Variants in TFEC observed in about 807,000 individuals in gnomAD.
TFEC encodes the protein transcription factor EC.
TFEC carries 31 observed loss-of-function variants against 41.6 expected under a neutral mutation model. The observed-to-expected ratio is 0.74, with a 90% CI of 0.56 to 1.01. TFEC has a LOEUF of 1.01. TFEC is among the 50% of genes least tolerant of loss of function. The probability of loss-of-function intolerance (pLI) is 0.00; values close to 1 mark genes in which losing one functional copy is unlikely to be tolerated. For synonymous variants in TFEC, 143 were observed against 140.6 expected, an observed-to-expected ratio of 1.02 and a Z score of -0.12; for missense variants, 402 against 404.1, an observed-to-expected ratio of 0.99 and a Z score of 0.04.
At chr7:116,089,347 T>C (rs1202253818) in intron 3 of TFEC, among the ~76,000 whole-genome samples, 1 of 152,130 alleles carries the variant, frequency 6.6e-6, no homozygotes, top group Non-Finnish European at 1.5e-5. Context: ...GAAAGATTTT[T>C]AGTGGAAGAA....
At chr7:116,155,771 T>G (rs1177742281) in intron 1 of TFEC, among the ~76,000 whole-genome samples, 1 of 152,186 alleles carries the variant, frequency 6.6e-6, no homozygotes, top group Admixed American at 6.5e-5. Flanking sequence ...TTCTTTTTTA[T>G]AACATTCTTT....
In TFEC at chr7:115,938,856, T is replaced by G. The variant is rs1793353493; in HGVS notation, c.*1695A>C. On this transcript the variant is annotated 3_prime_UTR_variant, in exon 8 of 8. Transcript: ENST00000265440. ...TTTCACCATAGTTTTCTAAGGGCCT[T>G]CACAACCTGTTGTCAGTCTTATGCT... 1 of 151,964 alleles carries G rather than the reference T, an allele frequency of 6.6e-6. No homozygotes were observed. Among genetic ancestry groups the G allele is most frequent in the Admixed American group, 6.6e-5 (1 of 15,226 alleles). The allele number at this position is 151,964 out of a possible 1,614,324, so 9.4% of individuals were successfully genotyped here. A position where few individuals can be genotyped will look rare whatever the true frequency, so the allele number is the denominator to read the frequency against.
chr7:116,103,264 C>T (rs1174431937), intron 3 of TFEC, among the ~76,000 whole-genome samples: 2 of 152,140 alleles, frequency 1.3e-5, no homozygotes, highest in Admixed American at 1.3e-4. Flanking sequence ...TGTGATCACT[C>T]AGAGCCAACC....
At chr7:116,070,148 G>A (rs1167948791) in intron 3 of TFEC, among the ~76,000 whole-genome samples, 5 of 151,006 alleles carry the variant, frequency 3.3e-5, no homozygotes, top group Non-Finnish European at 7.4e-5. Context: ...ATATGTATAT[G>A]TGTGTGTGTG....
intron 3 of TFEC, among the ~76,000 whole-genome samples, chr7:116,103,001 C>T (rs2115985394): frequency 6.6e-6 from 1 of 152,284 alleles, no homozygotes; most frequent in Middle Eastern, 3.4e-3. Context: ...CTACTGTGCT[C>T]TAGTTTCTGG....
At chr7:116,152,393 G>C (rs1353036108) in intron 1 of TFEC, among the ~76,000 whole-genome samples, 1 of 152,194 alleles carries the variant, frequency 6.6e-6, no homozygotes, top group African/African-American at 2.4e-5. Flanking sequence ...AATGCAGTTA[G>C]AATTTGCAGG....
chr7:116,157,044 A>G (rs567171543), intron 1 of TFEC, among the ~76,000 whole-genome samples: 1 of 152,332 alleles, frequency 6.6e-6, no homozygotes, highest in African/African-American at 2.4e-5. Flanking sequence ...TTCCAATCAC[A>G]GCAAGAGTTT....
At position 116,054,149 on chromosome 7, in the gene TFEC, AG is replaced by A. The variant is rs990830366; in HGVS notation, c.198+56558del. Reference sequence around the variant, plus strand: ...GGACTGTGCTATCTACTGAATAAGGAGAGGATTAAGAACACCTAGGAGGAAG... The same window carrying A: ...GGACTGTGCTATCTACTGAATAAGGAAGGATTAAGAACACCTAGGAGGAAG... On this transcript the variant is annotated intron_variant, in intron 3 of 8. Transcript: ENST00000484212. Among the ~76,000 whole-genome samples, 29 of 152,136 alleles carry A rather than the reference AG, an allele frequency of 1.9e-4. 1 individual carries two copies. The highest frequency in any genetic ancestry group is 1.9e-3 in the Admixed American group (29 of 15,274).
chr7:116,092,627 T>C (rs1257107488), intron 3 of TFEC, among the ~76,000 whole-genome samples: 2 of 152,182 alleles, frequency 1.3e-5, no homozygotes, highest in Non-Finnish European at 1.5e-5. Flanking sequence ...TCTTTTGATG[T>C]TGTTCTAACA....
rs1373582716 is a variant in TFEC at position 115,974,419 on chromosome 7, T to TATAC, written c.181-164_181-163insGTAT. On this transcript the variant is annotated intron_variant, in intron 2 of 7. Transcript: ENST00000265440. ...AAAACCTCAATATTATATATATATATATATATATATATATATATATATATA... is the reference window on the plus strand; with the variant it reads ...AAAACCTCAATATTATATATATATATATACATATATATATATATATATATATATA... 2.0e-4 allele frequency among the ~76,000 whole-genome samples: 9 copies of TATAC among 44,338 alleles called. 1 individual carries two copies. The highest frequency in any genetic ancestry group is 1.3e-3 in the South Asian group (2 of 1,522). 29.1% of individuals were successfully genotyped at this position (44,338 alleles called of 152,430 possible). A position where few individuals can be genotyped will look rare whatever the true frequency, so the allele number is the denominator to read the frequency against.
At chr7:116,095,814 A>C (rs753438146) in intron 3 of TFEC, among the ~76,000 whole-genome samples, 1 of 151,710 alleles carries the variant, frequency 6.6e-6, no homozygotes, top group African/African-American at 2.4e-5. Flanking sequence ...GCCCTCTATC[A>C]TATCACACTA....
intron 1 of TFEC, among the ~76,000 whole-genome samples, chr7:116,010,301 A>G (rs1347126619): frequency 6.6e-6 from 1 of 152,194 alleles, no homozygotes. Flanking sequence ...CCAAGAAAGA[A>G]AAAAGCATTA....
At chr7:116,059,381 A>C (rs1230064930) in intron 3 of TFEC, among the ~76,000 whole-genome samples, 1 of 151,954 alleles carries the variant, frequency 6.6e-6, no homozygotes, top group South Asian at 2.1e-4. Context: ...AGAAAACTCT[A>C]AGCTCAGATG....
At chr7:115,943,229 G>A (rs1793596165) in intron 6 of TFEC, among the ~76,000 whole-genome samples, 1 of 151,928 alleles carries the variant, frequency 6.6e-6, no homozygotes, top group Non-Finnish European at 1.5e-5. Flanking sequence ...CACAGGGGGT[G>A]AGGGGAATGA....
intron 1 of TFEC, among the ~76,000 whole-genome samples, chr7:116,116,196 CA>C (rs374477442): frequency 6.6e-6 from 1 of 151,312 alleles, no homozygotes; most frequent in African/African-American, 2.4e-5. Context: ...AGACATCGAC[CA>C]AAAAAATGGA....
At chr7:115,988,487 A>G (rs994681921) in intron 1 of TFEC, among the ~76,000 whole-genome samples, 3 of 152,100 alleles carry the variant, frequency 2.0e-5, no homozygotes, top group Admixed American at 6.5e-5. Flanking sequence ...CTCTGAGATT[A>G]AGGATTTCAC....
At chr7:115,996,448 G>A (rs148016616) in intron 1 of TFEC, among the ~76,000 whole-genome samples, 1,977 of 152,100 alleles carry the variant, frequency 0.013, 36 homozygotes, top group African/African-American at 0.044. Flanking sequence ...TACTTGTGAT[G>A]GGCCTTGAGT....
At chr7:115,993,284 T>C (rs111686622) in intron 1 of TFEC, among the ~76,000 whole-genome samples, 147 of 152,338 alleles carry the variant, frequency 9.6e-4, no homozygotes, top group African/African-American at 3.1e-3. Context: ...GCATTCCCTT[T>C]GAAAACTGGC....
At chr7:115,973,593 T>C (rs539194357) in intron 3 of TFEC, among the ~76,000 whole-genome samples, 1 of 152,106 alleles carries the variant, frequency 6.6e-6, no homozygotes, top group African/African-American at 2.4e-5. Context: ...TAGGAGATAA[T>C]ACACTATCCC....
Sources: allele counts gnomAD v4.1 joint callset (sites outside exome capture counted in the v4.1 genomes callset), GRCh38; gene constraint gnomAD v4.1.1; transcripts MANE v1.5; gene names NCBI Gene and HGNC (gene_info 2026-07-23, HGNC 2026-07-21).